The following FAM241A variants were observed in gnomAD, a reference collection of about 807,000 sequenced individuals.
The protein encoded by FAM241A is uncharacterized protein FAM241A.
A neutral mutation model predicts 12.2 loss-of-function variants in FAM241A; 7 were observed. The observed-to-expected ratio is 0.58, with a 90% CI of 0.33 to 1.08. The LOEUF (loss-of-function observed/expected upper bound fraction) is 1.08, where lower values mean the gene tolerates loss of function less well. Ranked by LOEUF, FAM241A falls within the 50% of genes least tolerant of loss-of-function variation. The pLI is 0.04. For missense variants in FAM241A, 161 were observed against 169.7 expected (o/e 0.95, Z 0.29); for synonymous variants, 74 against 68.2 (o/e 1.08, Z -0.42).
intron 1 of FAM241A, among the ~76,000 whole-genome samples, chr4:112,159,853 C>G (rs1201664821): frequency 1.3e-5 from 2 of 152,166 alleles, no homozygotes; most frequent in Non-Finnish European, 2.9e-5. Context: ...AGTCTTTCCT[C>G]TAAGATCTAG....
Position 112,186,688 on chromosome 4 carries a change from TAAAG to T in FAM241A, c.154-4_154-1del. Reference sequence around the variant, plus strand: ...CATGTTTTGTCTTTTTTTTTTTTTTTAAAGGATGTTGAAGACTCACAGAACCACA... The same window carrying T: ...CATGTTTTGTCTTTTTTTTTTTTTTTGATGTTGAAGACTCACAGAACCACA... On this transcript the variant is annotated splice_acceptor_variant and splice_polypyrimidine_tract_variant and intron_variant, in intron 1 of 1. Transcript: ENST00000309733. LOFTEE classifies it high-confidence loss of function. 6.4e-7 allele frequency: 1 copy of T among 1,560,270 alleles called. No individual in the cohort carries two copies. The highest frequency in any genetic ancestry group is 1.4e-5 in the African/African-American group (1 of 71,952).
At chr4:112,156,640 G>C (rs903647462) in intron 1 of FAM241A, among the ~76,000 whole-genome samples, 1 of 152,162 alleles carries the variant, frequency 6.6e-6, no homozygotes, top group African/African-American at 2.4e-5. Flanking sequence ...TTTTGCTGAA[G>C]AACTGTGACT....
Position 112,192,738 on chromosome 4 carries a change from G to A in FAM241A, c.*5800G>A, listed in dbSNP as rs1724192033. ...ATATGTGCCACATTTTCTTAATCCA[G>A]TCTATCATTGTTGGACATTTGGGTT... On this transcript the variant is annotated 3_prime_UTR_variant, in exon 2 of 2. Transcript: ENST00000309733. 1 of 150,676 alleles carries A rather than the reference G, an allele frequency of 6.6e-6. No individual in the cohort carries two copies. The highest frequency in any genetic ancestry group is 2.4e-5 in the African/African-American group (1 of 40,854). 9.3% of individuals were successfully genotyped at this position (150,676 alleles called of 1,614,324 possible).
At chr4:112,157,370 C>T (rs964342247) in intron 1 of FAM241A, among the ~76,000 whole-genome samples, 1 of 152,008 alleles carries the variant, frequency 6.6e-6, no homozygotes, top group South Asian at 2.1e-4. Flanking sequence ...ACTCAAAGAC[C>T]ATGAAGATTA....
rs1289683404 is a variant in FAM241A at position 112,190,629 on chromosome 4, C to T, written c.*3691C>T. ...CAGGAGAGTCGCTTGAACCCGGAAG[C>T]CAAAGTTTGCAGTGAGCCAAGATTA... On this transcript the variant is annotated 3_prime_UTR_variant, in exon 2 of 2. Transcript: ENST00000309733. 6.6e-6 allele frequency: 1 copy of T among 151,204 alleles called. No homozygotes were observed. Among genetic ancestry groups the T allele is most frequent in the Non-Finnish European group, 1.5e-5 (1 of 67,918 alleles). The allele number at this position is 151,204 out of a possible 1,614,324, so 9.4% of individuals were successfully genotyped here. A position where few individuals can be genotyped will look rare whatever the true frequency, so the allele number is the denominator to read the frequency against.
chr4:112,185,885 C>G (rs1264412773), intron 1 of FAM241A, among the ~76,000 whole-genome samples: 8 of 152,254 alleles, frequency 5.3e-5, no homozygotes, highest in Admixed American at 1.3e-4. Flanking sequence ...GAAACCCATC[C>G]GAAGGAAACA....
At chr4:112,169,538 AG>A (rs1447594238) in intron 1 of FAM241A, among the ~76,000 whole-genome samples, 1 of 152,248 alleles carries the variant, frequency 6.6e-6, no homozygotes, top group East Asian at 1.9e-4. Flanking sequence ...AACAATCCTC[AG>A]GAATTGGATG....
chr4:112,176,332 CAT>C (rs1723820461), intron 1 of FAM241A, among the ~76,000 whole-genome samples: 1 of 151,928 alleles, frequency 6.6e-6, no homozygotes, highest in African/African-American at 2.4e-5. Flanking sequence ...TAATAATTAC[CAT>C]ATATTGAGTG....
Position 112,145,548 on chromosome 4 carries a change from C to A in FAM241A, c.-33C>A. 8.1e-7 allele frequency: 1 copy of A among 1,238,538 alleles called. No individual in the cohort carries two copies. Among genetic ancestry groups the A allele is most frequent in the Admixed American group, 3.8e-5 (1 of 26,396 alleles). The allele number at this position is 1,238,538 out of a possible 1,614,324, so 76.7% of individuals were successfully genotyped here. ...GGTGCGTCGCGGCGTGGTCCTCCGG[C>A]GGCTGTCCGGGGCGGTAGGAGTTGG... On this transcript the variant is annotated 5_prime_UTR_variant, in exon 1 of 2. Transcript: ENST00000309733.
chr4:112,163,541 C>T (rs1489292998), intron 1 of FAM241A, among the ~76,000 whole-genome samples: 1 of 152,110 alleles, frequency 6.6e-6, no homozygotes, highest in African/African-American at 2.4e-5. Context: ...ATTTATACAG[C>T]CAAAAGACAC....
At chr4:112,153,085 A>G (rs1261056739) in intron 1 of FAM241A, among the ~76,000 whole-genome samples, 1 of 152,226 alleles carries the variant, frequency 6.6e-6, no homozygotes, top group Non-Finnish European at 1.5e-5. Flanking sequence ...TTTATAGAAT[A>G]TTTATTGAAC....
At chr4:112,186,199 A>G (rs1010998425) in intron 1 of FAM241A, among the ~76,000 whole-genome samples, 4 of 152,240 alleles carry the variant, frequency 2.6e-5, no homozygotes. Flanking sequence ...GATGAAATTA[A>G]TAAGAGGCAT....
intron 1 of FAM241A, among the ~76,000 whole-genome samples, chr4:112,169,306 A>G (rs182294669): frequency 5.3e-4 from 80 of 152,312 alleles, no homozygotes; most frequent in Non-Finnish European, 9.7e-4. Flanking sequence ...TTGTCCTAAA[A>G]GGAAGTGACT....
In FAM241A at chr4:112,179,124, A is replaced by G. The variant is rs186946258; in HGVS notation, c.154-7569A>G. 4.2e-3 allele frequency among the ~76,000 whole-genome samples: 638 copies of G among 152,320 alleles called. 7 individuals carry two copies. Among genetic ancestry groups the G allele is most frequent in the African/African-American group, 0.015 (612 of 41,582 alleles). Reference sequence around the variant, plus strand: ...TTCTTTTGCTGTGCAGAAGCTCTTTAGTTTAATTAGATCCCCTTTGTCGAT... The same window carrying G: ...TTCTTTTGCTGTGCAGAAGCTCTTTGGTTTAATTAGATCCCCTTTGTCGAT... On this transcript the variant is annotated intron_variant, in intron 1 of 1. Coordinates refer to ENST00000309733, the MANE Select transcript of FAM241A (RefSeq NM_152400.3).
At chr4:112,184,022 TAAGAG>T (rs1459917807) in intron 1 of FAM241A, among the ~76,000 whole-genome samples, 4 of 152,184 alleles carry the variant, frequency 2.6e-5, no homozygotes, top group African/African-American at 9.6e-5. Context: ...AATTATAACT[TAAGAG>T]AAAACTATCA....
At chr4:112,164,920 G>T (rs1308427136) in intron 1 of FAM241A, among the ~76,000 whole-genome samples, 1 of 152,112 alleles carries the variant, frequency 6.6e-6, no homozygotes, top group Non-Finnish European at 1.5e-5. Context: ...AGACCAGCCT[G>T]GGCAATACGG....
intron 1 of FAM241A, among the ~76,000 whole-genome samples, chr4:112,160,711 T>C (rs914224724): frequency 3.3e-5 from 5 of 152,032 alleles, no homozygotes; most frequent in Non-Finnish European, 5.9e-5. Context: ...AACAGACACA[T>C]AGACCAATGG....
chr4:112,168,920 C>T (rs1270941684), intron 1 of FAM241A, among the ~76,000 whole-genome samples: 1 of 152,170 alleles, frequency 6.6e-6, no homozygotes, highest in East Asian at 1.9e-4. Context: ...CTGCCTCGGC[C>T]TCCTGGAGCG....
At chr4:112,150,236 ATTATATT>A (rs1377396943) in intron 1 of FAM241A, among the ~76,000 whole-genome samples, 3 of 152,036 alleles carry the variant, frequency 2.0e-5, no homozygotes, top group Non-Finnish European at 4.4e-5. Flanking sequence ...AGTATTAAGG[ATTATATT>A]AAAGTCTGTA....
Sources: allele counts gnomAD v4.1 joint callset (sites outside exome capture counted in the v4.1 genomes callset), GRCh38; gene constraint gnomAD v4.1.1; transcripts MANE v1.5; gene names NCBI Gene and HGNC (gene_info 2026-07-23, HGNC 2026-07-21).